BICRAL: variants seen among roughly 807,000 people sequenced by gnomAD.
BICRAL encodes the protein BICRA like chromatin remodeling complex associated protein.
BICRAL carries 8 observed loss-of-function variants against 91.8 expected under a neutral mutation model. That is an observed-to-expected ratio of 0.09 (90% CI 0.05 to 0.16). BICRAL has a LOEUF of 0.16. BICRAL is among the 10% of genes least tolerant of loss of function. BICRAL has a pLI of 1.00. For synonymous variants in BICRAL, 445 were observed against 491.1 expected (o/e 0.91, Z 1.24); for missense variants, 1,038 against 1,310.9 (o/e 0.79, Z 3.21).
At chr6:42,773,638 C>A (rs1367599670) in intron 1 of BICRAL, among the ~76,000 whole-genome samples, 3 of 152,146 alleles carry the variant, frequency 2.0e-5, no homozygotes, top group Admixed American at 2.0e-4. Context: ...CCTCAGCATC[C>A]CGAGTAGCTG....
chr6:42,778,622 G>C (rs1481390688), upstream of BICRAL, among the ~76,000 whole-genome samples: 1 of 152,176 alleles, frequency 6.6e-6, no homozygotes, highest in East Asian at 1.9e-4. Flanking sequence ...ATTTTTCAAA[G>C]TCAGATTTCA....
intron 9 of BICRAL, 87 bp from the exon 10 acceptor site, chr6:42,857,004 C>T: frequency 1.8e-6 from 2 of 1,138,026 alleles, no homozygotes; most frequent in Non-Finnish European, 2.5e-6. Context: ...TCCTATATAT[C>T]TTATTTTATT....
At position 42,829,931 on chromosome 6, in the gene BICRAL, G is replaced by A; in HGVS notation, c.1598G>A (p.Ser533Asn). Reference protein sequence around the residue: ...PGFATMPSVTSMSGPSRFPAV... With the variant: ...PGFATMPSVTNMSGPSRFPAV... ...TTCGCCACCATGCCATCGGTGACAA[G>A]CATGTCAGGACCTAGTCGGTTCCCT... Residue 533 changes from serine to asparagine, a missense_variant, in exon 6 of 13, where the codon AGC (serine) becomes AAC (asparagine). Physicochemically the swap from Ser to Asn is conservative, Grantham distance 46. Around this residue, in one of 5 missense-constraint regions of BICRAL, gnomAD observed 532 missense variants for 724.9 expected, o/e 0.73. Coordinates refer to ENST00000314073, the MANE Select transcript of BICRAL (RefSeq NM_001393499.1). 8 of 1,614,262 alleles carry A rather than the reference G, an allele frequency of 5.0e-6. No homozygotes were observed. The highest frequency in any genetic ancestry group is 6.8e-6 in the Non-Finnish European group (8 of 1,180,050).
intron 1 of BICRAL, among the ~76,000 whole-genome samples, chr6:42,800,172 C>A (rs1488181037): frequency 6.6e-6 from 1 of 152,180 alleles, no homozygotes; most frequent in Non-Finnish European, 1.5e-5. Flanking sequence ...TCAAGTGATT[C>A]TCCTGCCTCA....
At position 42,822,004 on chromosome 6, in the gene BICRAL, CCTTTT is replaced by C; in HGVS notation, c.-5-9_-5-5del. ...CTTTACTGAAACCTGTTTTCCTCTC[CCTTTT>C]CTTTATAGTTGTCATGGATGATGAT... On this transcript the variant is annotated splice_polypyrimidine_tract_variant and intron_variant, in intron 2 of 12. Transcript: ENST00000314073. The C allele has an allele frequency of 6.3e-7, 1 of 1,586,188 alleles. No individual in the cohort carries two copies. Among genetic ancestry groups the C allele is most frequent in the Non-Finnish European group, 8.7e-7 (1 of 1,155,356 alleles).
intron 1 of BICRAL, among the ~76,000 whole-genome samples, chr6:42,783,414 A>G (rs1466465991): frequency 2.6e-5 from 4 of 152,064 alleles, no homozygotes; most frequent in Non-Finnish European, 5.9e-5. Flanking sequence ...GTCGCCCCAA[A>G]TGCGGGATAT....
chr6:42,823,390 G>A (rs1764199559), intron 5 of BICRAL, among the ~76,000 whole-genome samples: 1 of 152,002 alleles, frequency 6.6e-6, no homozygotes, highest in African/African-American at 2.4e-5. Context: ...CCAAAATGTT[G>A]GAATTACAGG....
chr6:42,858,543 C>T (rs1316998677), intron 10 of BICRAL, among the ~76,000 whole-genome samples: 1 of 142,996 alleles, frequency 7.0e-6, no homozygotes, highest in African/African-American at 2.6e-5. Context: ...AAAGGCTGGG[C>T]GCAGTGTCTC....
intron 1 of BICRAL, among the ~76,000 whole-genome samples, chr6:42,785,003 C>T (rs1763060562): frequency 6.6e-6 from 1 of 152,138 alleles, no homozygotes. Flanking sequence ...TGAATTGGAA[C>T]ATGAGAATTG....
At chr6:42,811,356 C>T (rs1259040152) in intron 2 of BICRAL, among the ~76,000 whole-genome samples, 18 of 152,200 alleles carry the variant, frequency 1.2e-4, no homozygotes, top group Non-Finnish European at 1.5e-5. Flanking sequence ...GGCACGGTGG[C>T]TCACGCCTGT....
rs1562490931 is a variant in BICRAL at position 42,845,195 on chromosome 6, G to GGTTTTTTTTTTTTTTTTT, written c.1840-6897_1840-6896insGTTTTTTTTTTTTTTTTT. Among the ~76,000 whole-genome samples the GGTTTTTTTTTTTTTTTTT allele has an allele frequency of 5.9e-4, 15 of 25,612 alleles. 3 individuals are homozygous for GGTTTTTTTTTTTTTTTTT. The highest frequency in any genetic ancestry group is 3.6e-3 in the South Asian group (2 of 556). 16.8% of individuals were successfully genotyped at this position (25,612 alleles called of 152,430 possible). ...CTTCTCTGTTTTTTGTTTTTTGGGTGTTTTTTTTTTTTTTTTTTTTTTTTT... is the reference window on the plus strand; with the variant it reads ...CTTCTCTGTTTTTTGTTTTTTGGGTGGTTTTTTTTTTTTTTTTTTTTTTTTTTTTTTTTTTTTTTTTTT... On this transcript the variant is annotated intron_variant, in intron 6 of 12. Coordinates refer to ENST00000314073, the MANE Select transcript of BICRAL (RefSeq NM_001393499.1).
At position 42,865,464 on chromosome 6, in the gene BICRAL, C is replaced by T; in HGVS notation, c.*18C>T. The T allele has an allele frequency of 2.0e-6, 3 of 1,522,026 alleles. No homozygotes were observed. Among genetic ancestry groups the T allele is most frequent in the Non-Finnish European group, 2.7e-6 (3 of 1,105,882 alleles). 94.3% of individuals were successfully genotyped at this position (1,522,026 alleles called of 1,614,324 possible). On this transcript the variant is annotated 3_prime_UTR_variant, in exon 13 of 13. Coordinates refer to ENST00000314073, the MANE Select transcript of BICRAL (RefSeq NM_001393499.1). ...AGTGTTAATAGCAGCAGTCCTCCCC[C>T]TACCCCGCCCCGAGACCCCACCCCG...
chr6:42,841,799 C>G (rs1764805951), intron 6 of BICRAL, among the ~76,000 whole-genome samples: 1 of 152,160 alleles, frequency 6.6e-6, no homozygotes, highest in South Asian at 2.1e-4. Flanking sequence ...CTACATGTAG[C>G]ATTATTGTTC....
chr6:42,850,380 TGTG>T (rs1413785547), intron 6 of BICRAL, among the ~76,000 whole-genome samples: 2 of 151,194 alleles, frequency 1.3e-5, no homozygotes, highest in African/African-American at 4.9e-5. Context: ...ATTAGCCAGG[TGTG>T]GTGGTGGGCG....
intron 1 of BICRAL, among the ~76,000 whole-genome samples, chr6:42,748,697 G>A (rs965033673): frequency 1.3e-5 from 2 of 152,182 alleles, no homozygotes; most frequent in Non-Finnish European, 2.9e-5. Flanking sequence ...TGAGTGATAC[G>A]GTCATTGTGA....
chr6:42,858,643 C>A lies in BICRAL; in HGVS notation c.2254+1407C>A, dbSNP rs1765461093. On this transcript the variant is annotated intron_variant, in intron 10 of 12. Coordinates refer to ENST00000314073, the MANE Select transcript of BICRAL (RefSeq NM_001393499.1). ...GACCAGCCTGACCAACATGGAGAAA[C>A]CCTGTGTCTACTAAAAATACAAAAT... is the stretch of plus-strand genomic sequence containing the variant. 2.0e-5 allele frequency among the ~76,000 whole-genome samples: 3 copies of A among 151,102 alleles called. No homozygotes were observed. The South Asian group carries it at 6.3e-4, about 32-fold the overall frequency.
chr6:42,815,766 T>G (rs1178645148), intron 2 of BICRAL, among the ~76,000 whole-genome samples: 1 of 150,476 alleles, frequency 6.6e-6, no homozygotes, highest in Non-Finnish European at 1.5e-5. Flanking sequence ...GGTGGGCGGA[T>G]CACCTGAGGT....
rs1481110973 is a variant in BICRAL, at chr6:42,829,489, G to A, written c.1156G>A (p.Val386Ile). 6.2e-7 allele frequency: 1 copy of A among 1,613,982 alleles called. No homozygotes were observed. Among genetic ancestry groups the A allele is most frequent in the Non-Finnish European group, 8.5e-7 (1 of 1,179,972 alleles). The change falls in exon 6 of 13, where the codon GTT becomes ATT. Residue 386 changes from valine to isoleucine, a missense_variant. This residue lies in a region of BICRAL where 532 missense variants were observed against 724.9 expected (regional missense o/e 0.73). Transcript: ENST00000314073. Reference protein sequence around the residue: ...QAVSSTGGSIVIHSPMGQPHA... With the variant: ...QAVSSTGGSIIIHSPMGQPHA... ...AGTGAGCAGCACTGGGGGCAGTATT[G>A]TTATTCATTCCCCCATGGGCCAACC...
chr6:42,865,732 GT>G lies in BICRAL; in HGVS notation c.*289del. The G allele has an allele frequency of 3.0e-6, 1 of 331,906 alleles. No individual in the cohort carries two copies. Among genetic ancestry groups the G allele is most frequent in the Non-Finnish European group, 5.5e-6 (1 of 181,240 alleles). 20.6% of individuals were successfully genotyped at this position (331,906 alleles called of 1,614,324 possible). A position where few individuals can be genotyped will look rare whatever the true frequency, so the allele number is the denominator to read the frequency against. ...TTATGAAAGTGCTTATAGGCATTTT[GT>G]TTATTTGTTTTGTTTTTTAAAAACA... On this transcript the variant is annotated 3_prime_UTR_variant, in exon 13 of 13. Transcript: ENST00000314073.
Sources: allele counts gnomAD v4.1 joint callset (sites outside exome capture counted in the v4.1 genomes callset), GRCh38; gene constraint gnomAD v4.1.1; regional missense constraint gnomAD v4.1.1; transcripts MANE v1.5; gene names NCBI Gene and HGNC (gene_info 2026-07-23, HGNC 2026-07-21).